Variants in CCNY observed in about 807,000 individuals in gnomAD.
The protein encoded by CCNY is cyclin Y, also known as cyclin-Y.
CCNY carries 19 observed loss-of-function variants against 42.8 expected under a neutral mutation model. The ratio of observed to expected loss-of-function variants is 0.44; its 90% CI spans 0.31 to 0.65. The LOEUF (loss-of-function observed/expected upper bound fraction) is 0.65, where lower values mean the gene tolerates loss of function less well. CCNY is among the 30% of genes least tolerant of loss of function. The pLI is 0.07. For synonymous variants in CCNY, 165 were observed against 162.7 expected (o/e 1.01, Z -0.11); for missense variants, 370 against 437.3 (o/e 0.85, Z 1.37).
intron 3 of CCNY, among the ~76,000 whole-genome samples, chr10:35,254,426 G>A (rs547511660): frequency 2.2e-4 from 34 of 152,166 alleles, no homozygotes; most frequent in African/African-American, 6.5e-4. Flanking sequence ...TTTTCTGACC[G>A]GTTGCTTTCC....
At chr10:35,493,230 C>T (rs956229118) in intron 2 of CCNY, among the ~76,000 whole-genome samples, 4 of 152,156 alleles carry the variant, frequency 2.6e-5, no homozygotes, top group South Asian at 2.1e-4. Context: ...TCCTGACCTG[C>T]GCTGTTCCCA....
intron 1 of CCNY, chr10:35,455,445 G>C (rs1402269862): frequency 6.6e-6 from 1 of 152,226 alleles, no homozygotes; most frequent in Non-Finnish European, 1.5e-5. Flanking sequence ...AACTGAGCCA[G>C]CATAGGGAGG....
chr10:35,460,803 C>T (rs1490734510), intron 1 of CCNY, among the ~76,000 whole-genome samples: 2 of 152,172 alleles, frequency 1.3e-5, no homozygotes, highest in South Asian at 2.1e-4. Flanking sequence ...CTTTCATTAG[C>T]CCAGGTTCTC....
At chr10:35,417,104 A>G (rs1469355096) in intron 1 of CCNY, among the ~76,000 whole-genome samples, 1 of 152,172 alleles carries the variant, frequency 6.6e-6, no homozygotes, top group Non-Finnish European at 1.5e-5. Context: ...GAAACACATC[A>G]CTTCTTATGC....
At chr10:35,393,006 CCCT>C (rs1005944868) in intron 1 of CCNY, among the ~76,000 whole-genome samples, 1 of 152,150 alleles carries the variant, frequency 6.6e-6, no homozygotes, top group African/African-American at 2.4e-5. Context: ...GCAAGAATCC[CCCT>C]CCCCTTGCTG....
intron 3 of CCNY, chr10:35,316,247 A>C (rs1279907718): frequency 6.6e-6 from 1 of 152,216 alleles, no homozygotes; most frequent in Non-Finnish European, 1.5e-5. Flanking sequence ...AGCTAGAGAT[A>C]CAGAGCAGGT....
intron 3 of CCNY, among the ~76,000 whole-genome samples, chr10:35,308,971 C>T (rs1231751284): frequency 6.6e-6 from 1 of 151,980 alleles, no homozygotes; most frequent in Non-Finnish European, 1.5e-5. Flanking sequence ...TTCAACCAGG[C>T]CAGGAAAACA....
At chr10:35,479,773 A>G (rs1839622275) in intron 1 of CCNY, among the ~76,000 whole-genome samples, 1 of 152,278 alleles carries the variant, frequency 6.6e-6, no homozygotes, top group Non-Finnish European at 1.5e-5. Context: ...ATAAAAAAAA[A>G]AGAAAAACAT....
chr10:35,417,101 A>G (rs1838040933), intron 1 of CCNY, among the ~76,000 whole-genome samples: 1 of 152,238 alleles, frequency 6.6e-6, no homozygotes, highest in East Asian at 1.9e-4. Context: ...AATGAAACAC[A>G]TCACTTCTTA....
At chr10:35,349,952 A>T (rs1047523268) in intron 1 of CCNY, among the ~76,000 whole-genome samples, 3 of 152,324 alleles carry the variant, frequency 2.0e-5, no homozygotes, top group East Asian at 1.9e-4. Context: ...CGTATCTGTC[A>T]CTTGCACACA....
chr10:35,462,185 T>C (rs1564420413), intron 1 of CCNY, among the ~76,000 whole-genome samples: 1 of 152,234 alleles, frequency 6.6e-6, no homozygotes, highest in Non-Finnish European at 1.5e-5. Flanking sequence ...TTGATGTTTT[T>C]CACTAAAGTA....
intron 1 of CCNY, among the ~76,000 whole-genome samples, chr10:35,477,067 C>G (rs1839529646): frequency 6.6e-6 from 1 of 152,208 alleles, no homozygotes; most frequent in African/African-American, 2.4e-5. Context: ...GACACATAGA[C>G]TCTCCCAAGA....
At chr10:35,290,990 A>C (rs1242430352) in intron 3 of CCNY, among the ~76,000 whole-genome samples, 1 of 151,950 alleles carries the variant, frequency 6.6e-6, no homozygotes, top group African/African-American at 2.4e-5. Flanking sequence ...ATTTCCTTTA[A>C]ATGGAATCAT....
chr10:35,557,630 C>T (rs1284394669), intron 8 of CCNY, among the ~76,000 whole-genome samples: 5 of 152,146 alleles, frequency 3.3e-5, no homozygotes, highest in Admixed American at 2.6e-4. Context: ...GTGGCGCTCA[C>T]CTGTAGTCCC....
intron 1 of CCNY, among the ~76,000 whole-genome samples, chr10:35,446,678 A>C (rs1267548082): frequency 1.3e-5 from 2 of 152,112 alleles, no homozygotes; most frequent in South Asian, 2.1e-4. Flanking sequence ...CTTGTTGCCA[A>C]CCCTGCCTTG....
chr10:35,454,796 AG>A (rs1353374022), intron 1 of CCNY, among the ~76,000 whole-genome samples: 1 of 152,200 alleles, frequency 6.6e-6, no homozygotes, highest in Non-Finnish European at 1.5e-5. Flanking sequence ...TGCTTCTGCC[AG>A]GGTAAGAGGA....
At chr10:35,467,355 G>A (rs1011722168) in intron 1 of CCNY, among the ~76,000 whole-genome samples, 6 of 152,164 alleles carry the variant, frequency 3.9e-5, no homozygotes, top group Admixed American at 3.9e-4. Flanking sequence ...TACCCTGTTG[G>A]CCTTGGGAGG....
intron 1 of CCNY, among the ~76,000 whole-genome samples, chr10:35,397,721 G>A (rs1389914949): frequency 6.6e-6 from 1 of 152,194 alleles, no homozygotes; most frequent in Non-Finnish European, 1.5e-5. Context: ...ACCATCCCAG[G>A]AGATTCCAGA....
chr10:35,531,050 C>G (rs1840754044), intron 7 of CCNY, among the ~76,000 whole-genome samples: 1 of 152,202 alleles, frequency 6.6e-6, no homozygotes, highest in African/African-American at 2.4e-5. Flanking sequence ...GCCCGAGGGG[C>G]AGAGCGAGAC....
Sources: gnomAD v4.1 joint callset for allele counts (sites outside exome capture counted in the v4.1 genomes callset) on GRCh38, gnomAD v4.1.1 for gene constraint, MANE v1.5 for transcripts, NCBI Gene and HGNC (gene_info 2026-07-23, HGNC 2026-07-21) for gene names.